The following MAPK8IP3 variants were observed in gnomAD, a reference collection of about 807,000 sequenced individuals.
The protein encoded by MAPK8IP3 is C-Jun-amino-terminal kinase-interacting protein 3.
In MAPK8IP3, 49 loss-of-function variants were observed where a neutral mutation model predicts 157.8. That is an observed-to-expected ratio of 0.31 (90% CI 0.25 to 0.39). The LOEUF (loss-of-function observed/expected upper bound fraction) is 0.39, where lower values mean the gene tolerates loss of function less well. Among genes scored for constraint, MAPK8IP3 ranks in the 10% least tolerant of loss-of-function variants. The pLI, the probability that MAPK8IP3 is intolerant of heterozygous loss-of-function variation, is 1.00. For synonymous variants in MAPK8IP3, 897 were observed against 777.7 expected (o/e 1.15, Z -2.55); for missense variants, 1,478 against 1,889.4 (o/e 0.78, Z 4.04).
chr16:1,762,447 C>T lies in MAPK8IP3; in HGVS notation c.1636C>T (p.Leu546=). 1 of 1,609,880 alleles carries T rather than the reference C, an allele frequency of 6.2e-7. No homozygotes were observed. Among genetic ancestry groups the T allele is most frequent in the Non-Finnish European group, 8.5e-7 (1 of 1,178,400 alleles). ...CCAGTACAAGGAGCGGCTGATGGAGCTGCAGGAGGCTGTGCGGTGGACTGA... is the reference window on the plus strand; with the variant it reads ...CCAGTACAAGGAGCGGCTGATGGAGTTGCAGGAGGCTGTGCGGTGGACTGA... The part of the protein sequence containing the change: ...RNQYKERLME[L]QEAVRWTEMI... Residue 546 remains leucine (L), a synonymous_variant, in exon 14 of 32, where the codon CTG becomes TTG. Coordinates refer to ENST00000610761, the MANE Select transcript of MAPK8IP3 (RefSeq NM_001318852.2).
In MAPK8IP3 at chr16:1,706,677, C is replaced by G. The variant is rs1177745273; in HGVS notation, c.318+20C>G. On this transcript the variant is annotated intron_variant, in intron 1 of 31. Transcript: ENST00000610761. The surrounding 1 kb of genome is among the most constrained non-coding windows in gnomAD (Gnocchi z 5.1). ...GAGGAGGTGCGTGGGCCGCGGGACC[C>G]GCCCGCATCCCCGTCCCGGACCCCC... 2 of 1,518,674 alleles carry G rather than the reference C, an allele frequency of 1.3e-6. No individual in the cohort carries two copies. Among genetic ancestry groups the G allele is most frequent in the African/African-American group, 2.8e-5 (2 of 72,342 alleles). The allele number at this position is 1,518,674 out of a possible 1,614,324, so 94.1% of individuals were successfully genotyped here.
chr16:1,718,116 G>A (rs1251800621), intron 1 of MAPK8IP3, among the ~76,000 whole-genome samples: 1 of 152,002 alleles, frequency 6.6e-6, no homozygotes, highest in Non-Finnish European at 1.5e-5. Flanking sequence ...GACTCCCAAA[G>A]TGCTGGGATT....
At chr16:1,767,945 C>T (rs774644806) in intron 28 of MAPK8IP3, 27 bp downstream of exon 28, 10 of 1,606,470 alleles carry the variant, frequency 6.2e-6, no homozygotes, top group Non-Finnish European at 8.5e-6. Flanking sequence ...CCTGCAGGGG[C>T]AGTGGTGCTG....
rs753817029 is a variant in MAPK8IP3, at chr16:1,762,887, C to T, written c.1779C>T (p.Pro593=). 9 of 1,613,086 alleles carry T rather than the reference C, an allele frequency of 5.6e-6. No individual in the cohort carries two copies. The highest frequency in any genetic ancestry group is 5.0e-5 in the Admixed American group (3 of 60,010). ...SSSSPPPAKR[P]YPSVNIHYKS... ...CCAGCCCCCCTCCGGCCAAGCGCCCCTATCCCTCGGTGAACATCCACTACA... is the reference window on the plus strand; with the variant it reads ...CCAGCCCCCCTCCGGCCAAGCGCCCTTATCCCTCGGTGAACATCCACTACA... Residue 593 remains proline (P), a synonymous_variant, in exon 16 of 32, where the codon CCC becomes CCT. Transcript: ENST00000610761.
At position 1,750,020 on chromosome 16, in the gene MAPK8IP3, G is replaced by A. The variant is rs377138811; in HGVS notation, c.1216+1300G>A. ...GGTGGTGAAAGATGGAATGCTCCCC[G>A]AGATCAGGACGGCGGTGAGGGCGCA... On this transcript the variant is annotated intron_variant, in intron 8 of 31. Coordinates refer to ENST00000610761, the MANE Select transcript of MAPK8IP3 (RefSeq NM_001318852.2). Among the ~76,000 whole-genome samples, 9 of 152,248 alleles carry A rather than the reference G, an allele frequency of 5.9e-5. No individual in the cohort carries two copies. The South Asian group carries it at 6.2e-4, about 11-fold the overall frequency.
Position 1,737,546 on chromosome 16 carries a change from G to A in MAPK8IP3, c.603-5786G>A, listed in dbSNP as rs1253909667. ...TGTGAGTGTGTGACCATTCGTGTGA[G>A]AGTGTGACCATCCATGTGAGCATCT... On this transcript the variant is annotated intron_variant, in intron 4 of 31. Transcript: ENST00000610761. Among the ~76,000 whole-genome samples the A allele has an allele frequency of 1.9e-5, 2 of 107,694 alleles. 1 individual carries two copies. The highest frequency in any genetic ancestry group is 3.8e-5 in the Non-Finnish European group (2 of 52,940). The allele number at this position is 107,694 out of a possible 152,430, so 70.7% of individuals were successfully genotyped here.
At chr16:1,721,094 TG>T (rs1467933370) in intron 1 of MAPK8IP3, among the ~76,000 whole-genome samples, 2 of 151,630 alleles carry the variant, frequency 1.3e-5, no homozygotes, top group East Asian at 1.9e-4. Context: ...TCCCAGCACT[TG>T]GGAAGGCCGA....
At chr16:1,736,733 AGC>A (rs199674620) in intron 4 of MAPK8IP3, among the ~76,000 whole-genome samples, 22 of 49,896 alleles carry the variant, frequency 4.4e-4, no homozygotes, top group East Asian at 6.0e-4. Flanking sequence ...CGTCCGTGTG[AGC>A]GTGTGACCAT....
chr16:1,729,362 G>C, intron 3 of MAPK8IP3, 125 bp from the exon 4 acceptor site: 1 of 1,261,036 alleles, frequency 7.9e-7, no homozygotes, highest in Non-Finnish European at 1.1e-6. Context: ...AGGCTGGTTA[G>C]ATTCCCCTCC....
intron 4 of MAPK8IP3, among the ~76,000 whole-genome samples, chr16:1,733,764 C>G (rs1431019176): frequency 6.6e-6 from 1 of 152,256 alleles, no homozygotes; most frequent in East Asian, 1.9e-4. Flanking sequence ...TATGTCAGGG[C>G]TGCTGCACTC....
intron 1 of MAPK8IP3, among the ~76,000 whole-genome samples, chr16:1,716,283 C>G (rs1042622699): frequency 6.6e-6 from 1 of 150,560 alleles, no homozygotes; most frequent in African/African-American, 2.4e-5. Context: ...ACTAGATTTT[C>G]GAAGACCCTA....
chr16:1,760,647 C>A, intron 12 of MAPK8IP3, 115 bp downstream of exon 12: 2 of 1,289,938 alleles, frequency 1.6e-6, no homozygotes, highest in Non-Finnish European at 2.1e-6. Context: ...CATAGCCTAC[C>A]TACCTCCAGC....
chr16:1,756,902 A>G (rs1435576292), intron 8 of MAPK8IP3, among the ~76,000 whole-genome samples: 1 of 152,154 alleles, frequency 6.6e-6, no homozygotes, highest in Non-Finnish European at 1.5e-5. Context: ...GAAGCCTCCC[A>G]GAGAGATGGA....
Position 1,706,670 on chromosome 16 carries a change from C to T in MAPK8IP3, c.318+13C>T, listed in dbSNP as rs763488762. 1.3e-6 allele frequency: 2 copies of T among 1,523,894 alleles called. No individual in the cohort carries two copies. The highest frequency in any genetic ancestry group is 8.8e-7 in the Non-Finnish European group (1 of 1,135,852). 94.4% of individuals were successfully genotyped at this position (1,523,894 alleles called of 1,614,324 possible). ...GCAGGCGGAGGAGGTGCGTGGGCCGCGGGACCCGCCCGCATCCCCGTCCCG... is the reference window on the plus strand; with the variant it reads ...GCAGGCGGAGGAGGTGCGTGGGCCGTGGGACCCGCCCGCATCCCCGTCCCG... On this transcript the variant is annotated intron_variant, in intron 1 of 31. Coordinates refer to ENST00000610761, the MANE Select transcript of MAPK8IP3 (RefSeq NM_001318852.2). The surrounding 1 kb of genome is among the most constrained non-coding windows in gnomAD (Gnocchi z 5.1).
At position 1,768,914 on chromosome 16, in the gene MAPK8IP3, C is replaced by T. The variant is rs527864089; in HGVS notation, c.*90C>T. The T allele has an allele frequency of 1.4e-5, 21 of 1,468,162 alleles. No individual in the cohort carries two copies. The highest frequency in any genetic ancestry group is 1.4e-4 in the African/African-American group (10 of 72,232). 90.9% of individuals were successfully genotyped at this position (1,468,162 alleles called of 1,614,324 possible). ...CGCGGGGTAGCCAGCCAGGCGCCGCCGCCCCTCTTCTAACCTCTCAACCTG... is the reference window on the plus strand; with the variant it reads ...CGCGGGGTAGCCAGCCAGGCGCCGCTGCCCCTCTTCTAACCTCTCAACCTG... On this transcript the variant is annotated 3_prime_UTR_variant, in exon 32 of 32. Transcript: ENST00000610761.
At chr16:1,748,499 C>T (rs946371216) in intron 7 of MAPK8IP3, 103 bp from the exon 8 acceptor site, 3 of 1,147,660 alleles carry the variant, frequency 2.6e-6, no homozygotes, top group Non-Finnish European at 2.6e-6. Context: ...GCAGTGTGGG[C>T]ATTGAATGGC....
chr16:1,706,726 A>G lies in MAPK8IP3; in HGVS notation c.318+69A>G. On this transcript the variant is annotated intron_variant, in intron 1 of 31. Coordinates refer to ENST00000610761, the MANE Select transcript of MAPK8IP3 (RefSeq NM_001318852.2). The surrounding 1 kb of genome is among the most constrained non-coding windows in gnomAD (Gnocchi z 5.1). ...CCAGCCAGCCCCGGGCCCCGGACCC[A>G]ACACCCGTCCCGACCCCAGACCCCG... The G allele has an allele frequency of 1.4e-5, 19 of 1,368,470 alleles. No homozygotes were observed. The highest frequency in any genetic ancestry group is 1.8e-5 in the Non-Finnish European group (19 of 1,061,056). 84.8% of individuals were successfully genotyped at this position (1,368,470 alleles called of 1,614,324 possible).
chr16:1,747,405 T>C, intron 6 of MAPK8IP3, 130 bp downstream of exon 6: 1 of 1,357,678 alleles, frequency 7.4e-7, no homozygotes. Flanking sequence ...GCCCGGAGGC[T>C]GGGGTCCAAG....
At chr16:1,709,831 G>T (rs1169798139) in intron 1 of MAPK8IP3, among the ~76,000 whole-genome samples, 1 of 152,184 alleles carries the variant, frequency 6.6e-6, no homozygotes, top group Non-Finnish European at 1.5e-5. Flanking sequence ...GGAAAAATAA[G>T]GTGTGAGAGA....
Sources: gnomAD v4.1 joint callset for allele counts (sites outside exome capture counted in the v4.1 genomes callset) on GRCh38, gnomAD v4.1.1 for gene constraint, Gnocchi (gnomAD v3.1) non-coding constraint, MANE v1.5 for transcripts, NCBI Gene and HGNC (gene_info 2026-07-23, HGNC 2026-07-21) for gene names.